Variants in NAALADL2 observed in about 807,000 individuals in gnomAD.
NAALADL2 encodes the protein N-acetylated alpha-linked acidic dipeptidase like 2.
NAALADL2 carries 76 observed loss-of-function variants against 87.2 expected under a neutral mutation model. The observed-to-expected ratio is 0.87, with a 90% CI of 0.72 to 1.05. The LOEUF (loss-of-function observed/expected upper bound fraction) is 1.05. Ranked by LOEUF, NAALADL2 falls within the 50% of genes least tolerant of loss-of-function variation. NAALADL2 has a pLI of 0.00. For missense variants in NAALADL2, 1,089 were observed against 945.8 expected (o/e 1.15, Z -1.99); for synonymous variants, 354 against 331.0 (o/e 1.07, Z -0.75).
At chr3:175,253,779 C>T (rs1225091377) in intron 3 of NAALADL2, among the ~76,000 whole-genome samples, 3 of 151,956 alleles carry the variant, frequency 2.0e-5, no homozygotes, top group Non-Finnish European at 4.4e-5. Context: ...CCCTTATAGA[C>T]GAGTTTGAGG....
At chr3:175,274,570 C>A (rs1441684575) in intron 4 of NAALADL2, among the ~76,000 whole-genome samples, 1 of 152,156 alleles carries the variant, frequency 6.6e-6, no homozygotes, top group African/African-American at 2.4e-5. Flanking sequence ...CTCAGCCTAT[C>A]AGAATTAACC....
At chr3:174,532,078 A>G (rs1197002542) in intron 1 of NAALADL2, among the ~76,000 whole-genome samples, 2 of 152,234 alleles carry the variant, frequency 1.3e-5, no homozygotes, top group Admixed American at 1.3e-4. Context: ...TAGTATAAAT[A>G]TAAACAGAGC....
intron 2 of NAALADL2, among the ~76,000 whole-genome samples, chr3:175,106,921 G>A (rs1007875940): frequency 2.2e-4 from 33 of 151,150 alleles, no homozygotes; most frequent in Non-Finnish European, 3.7e-4. Context: ...CAAAAGTATC[G>A]AATCAATTAA....
intron 2 of NAALADL2, among the ~76,000 whole-genome samples, chr3:175,219,223 GTTAGTT>G (rs1742982492): frequency 1.3e-5 from 2 of 152,154 alleles, no homozygotes; most frequent in South Asian, 4.1e-4. Flanking sequence ...AGTTGGTATT[GTTAGTT>G]TTAGTTTGAG....
intron 2 of NAALADL2, among the ~76,000 whole-genome samples, chr3:174,643,435 C>T (rs551051506): frequency 4.6e-5 from 7 of 152,100 alleles, no homozygotes; most frequent in South Asian, 2.1e-4. Flanking sequence ...CAGCAGATCA[C>T]GAGGTCAGGA....
intron 1 of NAALADL2, among the ~76,000 whole-genome samples, chr3:174,894,078 A>G (rs1731199498): frequency 6.6e-6 from 1 of 152,188 alleles, no homozygotes; most frequent in African/African-American, 2.4e-5. Flanking sequence ...TTAGATTTTA[A>G]GACAAAAACT....
chr3:174,810,644 G>A (rs1190225073), intron 3 of NAALADL2, among the ~76,000 whole-genome samples: 1 of 151,886 alleles, frequency 6.6e-6, no homozygotes, highest in African/African-American at 2.4e-5. Context: ...ATTTAAAAGG[G>A]AAGCAGAGCA....
intron 1 of NAALADL2, among the ~76,000 whole-genome samples, chr3:175,004,485 A>G (rs1748735969): frequency 6.6e-6 from 1 of 150,794 alleles, no homozygotes; most frequent in Non-Finnish European, 1.5e-5. Flanking sequence ...CAGCTAATTC[A>G]GGTATTGTGG....
At chr3:175,063,412 G>A (rs1713927675) in intron 1 of NAALADL2, among the ~76,000 whole-genome samples, 1 of 151,774 alleles carries the variant, frequency 6.6e-6, no homozygotes, top group African/African-American at 2.4e-5. Flanking sequence ...CAGGTGCAAT[G>A]GTTCATGCCT....
At chr3:175,098,413 T>C (rs1271026394) in intron 2 of NAALADL2, among the ~76,000 whole-genome samples, 2 of 152,108 alleles carry the variant, frequency 1.3e-5, no homozygotes, top group Non-Finnish European at 2.9e-5. Context: ...GATACTCAGG[T>C]AGCCCAGAAA....
intron 2 of NAALADL2, among the ~76,000 whole-genome samples, chr3:174,637,183 G>A (rs1722731471): frequency 6.6e-6 from 1 of 152,010 alleles, no homozygotes; most frequent in Non-Finnish European, 1.5e-5. Flanking sequence ...TATTGTAGGT[G>A]GGAGTGGTGA....
At chr3:174,708,158 T>A (rs1485554032) in intron 2 of NAALADL2, among the ~76,000 whole-genome samples, 2 of 152,202 alleles carry the variant, frequency 1.3e-5, no homozygotes, top group African/African-American at 2.4e-5. Flanking sequence ...GTTTGACTCA[T>A]GTTATTTCCT....
Position 175,436,662 on chromosome 3 carries a change from T to C in NAALADL2, c.1091-10567T>C, listed in dbSNP as rs898500236. 1.2e-4 allele frequency among the ~76,000 whole-genome samples: 15 copies of C among 121,496 alleles called. No homozygotes were observed. In the Admixed American group the frequency reaches 1.3e-3, roughly 11 times the overall value. The allele number at this position is 121,496 out of a possible 152,430, so 79.7% of individuals were successfully genotyped here. On this transcript the variant is annotated intron_variant, in intron 5 of 13. Coordinates refer to ENST00000454872, the MANE Select transcript of NAALADL2 (RefSeq NM_207015.3). ...CATAAATGTCTTCTTTTGAGAAGTGTCTGTTCATGTCCTTCGCCCACTTTT... is the reference window on the plus strand; with the variant it reads ...CATAAATGTCTTCTTTTGAGAAGTGCCTGTTCATGTCCTTCGCCCACTTTT...
chr3:175,626,092 C>T (rs1314223674), intron 10 of NAALADL2, among the ~76,000 whole-genome samples: 1 of 151,924 alleles, frequency 6.6e-6, no homozygotes, highest in South Asian at 2.1e-4. Context: ...TACACATGAC[C>T]CTGGAATATT....
At chr3:175,620,198 T>C (rs746100069) in intron 10 of NAALADL2, among the ~76,000 whole-genome samples, 9 of 152,186 alleles carry the variant, frequency 5.9e-5, no homozygotes, top group Non-Finnish European at 1.0e-4. Flanking sequence ...GAAATCTCTG[T>C]GGCTGCTGCA....
intron 1 of NAALADL2, among the ~76,000 whole-genome samples, chr3:175,055,500 A>G (rs1474613143): frequency 6.6e-6 from 1 of 152,198 alleles, no homozygotes. Context: ...CTACTGCAGC[A>G]CTACTGGCTG....
At chr3:175,412,390 T>C (rs967865568) in intron 5 of NAALADL2, among the ~76,000 whole-genome samples, 6 of 152,204 alleles carry the variant, frequency 3.9e-5, no homozygotes, top group Non-Finnish European at 7.3e-5. Flanking sequence ...AACTTTACTG[T>C]AAAAATATTT....
At chr3:175,239,733 A>T (rs891872560) in intron 3 of NAALADL2, among the ~76,000 whole-genome samples, 13 of 152,224 alleles carry the variant, frequency 8.5e-5, no homozygotes, top group Admixed American at 8.5e-4. Flanking sequence ...CAGAGAGCAT[A>T]GTTCAACAGC....
intron 5 of NAALADL2, among the ~76,000 whole-genome samples, chr3:175,396,311 G>A (rs781126946): frequency 3.9e-5 from 6 of 151,986 alleles, no homozygotes; most frequent in Non-Finnish European, 7.4e-5. Flanking sequence ...TTTCAGTACT[G>A]ATTTTAATTT....
Sources: allele counts gnomAD v4.1 joint callset (sites outside exome capture counted in the v4.1 genomes callset), GRCh38; gene constraint gnomAD v4.1.1; transcripts MANE v1.5; gene names NCBI Gene and HGNC (gene_info 2026-07-23, HGNC 2026-07-21).